Variants in MYO18B observed in about 807,000 individuals in gnomAD.
The protein encoded by MYO18B is myosin XVIIIB.
In MYO18B, 204 loss-of-function variants were observed where a neutral mutation model predicts 273.0. That is an observed-to-expected ratio of 0.75 (90% confidence interval 0.67 to 0.84). MYO18B has a LOEUF of 0.84. MYO18B is among the 40% of genes least tolerant of loss of function. MYO18B has a pLI of 0.00. For missense variants in MYO18B, 3,212 were observed against 3,287.6 expected (o/e 0.98, Z 0.56); for synonymous variants, 1,330 against 1,305.7 (o/e 1.02, Z -0.40).
intron 42 of MYO18B, among the ~76,000 whole-genome samples, chr22:26,016,497 G>C (rs1041210078): frequency 2.6e-5 from 4 of 152,234 alleles, no homozygotes; most frequent in Admixed American, 2.6e-4. Flanking sequence ...TGTACTGGAA[G>C]TGGGTTTTGA....
chr22:25,984,670 G>A (rs186244293), intron 39 of MYO18B, among the ~76,000 whole-genome samples: 64 of 152,156 alleles, frequency 4.2e-4, no homozygotes, highest in African/African-American at 1.3e-3. Context: ...AGTGGTGCAT[G>A]CCTGTAGTCC....
At chr22:25,941,909 C>G (rs568239943) in intron 34 of MYO18B, among the ~76,000 whole-genome samples, 57 of 152,330 alleles carry the variant, frequency 3.7e-4, no homozygotes, top group African/African-American at 1.3e-3. Flanking sequence ...CCTGCTTATC[C>G]TGACTGTGTA....
In MYO18B at chr22:25,768,464, C is replaced by A; in HGVS notation, c.548C>A (p.Pro183His). 1.2e-6 allele frequency: 2 copies of A among 1,605,106 alleles called. No individual in the cohort carries two copies. Residue 183 changes from proline (P) to histidine (H), a missense_variant, in exon 4 of 44, where the codon CCC (proline) becomes CAC (histidine). Transcript: ENST00000335473. The stretch of plus-strand genomic sequence containing the variant: ...GCCCCCCCTTGCAAGACCTCTCCCC[C>A]CGCCACAGATACTGGAAAGGAAAAG... Reference protein sequence around the residue: ...HDAPPCKTSPPATDTGKEKKG... With the variant: ...HDAPPCKTSPHATDTGKEKKG...
intron 1 of MYO18B, among the ~76,000 whole-genome samples, chr22:25,747,871 G>C (rs1435739800): frequency 6.6e-6 from 1 of 152,168 alleles, no homozygotes; most frequent in African/African-American, 2.4e-5. Context: ...GAGAAAAACT[G>C]CATCCCCATT....
At chr22:25,898,070 A>T in intron 28 of MYO18B, 1 of 481,718 alleles carries the variant, frequency 2.1e-6, no homozygotes, top group Non-Finnish European at 3.6e-6. Flanking sequence ...GCAAAAGTAA[A>T]ATCAACCTTA....
Position 25,777,736 on chromosome 22 carries a change from G to A in MYO18B, c.2023G>A (p.Glu675Lys). 6.2e-7 allele frequency: 1 copy of A among 1,609,448 alleles called. No homozygotes were observed. Among genetic ancestry groups the A allele is most frequent in the Non-Finnish European group, 8.5e-7 (1 of 1,177,668 alleles). ...GKTTCCEQVLEHLVGMAGSVD... is the reference protein window; with the variant it reads ...GKTTCCEQVLKHLVGMAGSVD... ...GACCACCTGCTGTGAGCAGGTCCTGGAACACCTGGTGGGGATGGCAGGCAG... is the reference window on the plus strand; with the variant it reads ...GACCACCTGCTGTGAGCAGGTCCTGAAACACCTGGTGGGGATGGCAGGCAG... The change falls in exon 8 of 44, where the codon GAA becomes AAA. Residue 675 changes from glutamate (E) to lysine (K), a missense_variant. Physicochemically the swap from Glu to Lys is moderately conservative, Grantham distance 56. Coordinates refer to ENST00000335473, the MANE Select transcript of MYO18B (RefSeq NM_032608.7).
rs183518427 is a variant in MYO18B at position 25,925,515 on chromosome 22, G to A, written c.5517+4106G>A. Among the ~76,000 whole-genome samples the A allele has an allele frequency of 1.2e-4, 19 of 152,148 alleles. No homozygotes were observed. The East Asian group carries it at 3.3e-3, about 26-fold the overall frequency. On this transcript the variant is annotated intron_variant, in intron 34 of 43. Coordinates refer to ENST00000335473, the MANE Select transcript of MYO18B (RefSeq NM_032608.7). ...ATTCATGACTTTTGACAAGTGTCCC[G>A]ACCTCTCTGAGCCCTTTTTCTAAAG...
intron 42 of MYO18B, among the ~76,000 whole-genome samples, chr22:26,012,123 C>T (rs933898679): frequency 2.6e-5 from 4 of 152,078 alleles, no homozygotes; most frequent in African/African-American, 9.7e-5. Flanking sequence ...TTTAAAAAAA[C>T]AGTTGCGTTA....
chr22:25,927,786 C>G (rs1198160703), intron 34 of MYO18B, among the ~76,000 whole-genome samples: 1 of 152,150 alleles, frequency 6.6e-6, no homozygotes, highest in Non-Finnish European at 1.5e-5. Flanking sequence ...AAATTTCTCT[C>G]TTTTGTACTC....
At chr22:26,042,473 T>G in the MYO18B span, among the ~76,000 whole-genome samples, 1 of 152,252 alleles carries the variant, frequency 6.6e-6, no homozygotes. Context: ...TCTGTCCAGC[T>G]GAGTGGGGAA....
intron 40 of MYO18B, among the ~76,000 whole-genome samples, chr22:25,992,880 G>C (rs973712702): frequency 7.2e-5 from 11 of 152,188 alleles, no homozygotes; most frequent in African/African-American, 2.7e-4. Flanking sequence ...CTACAGACTG[G>C]AAGTTTCATA....
intron 17 of MYO18B, among the ~76,000 whole-genome samples, 181 bp from the exon 18 acceptor site, chr22:25,843,554 A>G (rs1013931923): frequency 2.0e-5 from 3 of 152,334 alleles, no homozygotes; most frequent in Middle Eastern, 3.4e-3. Flanking sequence ...AAAGAATAAA[A>G]TCCACTTTGG....
At chr22:25,839,032 G>A (rs2145972011) in intron 17 of MYO18B, among the ~76,000 whole-genome samples, 1 of 151,930 alleles carries the variant, frequency 6.6e-6, no homozygotes, top group Middle Eastern at 3.4e-3. Context: ...GTGTGTGTAT[G>A]TATGAGTGTA....
the MYO18B span, among the ~76,000 whole-genome samples, chr22:26,051,895 G>A: frequency 6.6e-6 from 1 of 152,160 alleles, no homozygotes; most frequent in Non-Finnish European, 1.5e-5. Context: ...ATATTTTGAG[G>A]ATCTTTCTGT....
chr22:25,908,049 AAG>A (rs1555938359), intron 31 of MYO18B, among the ~76,000 whole-genome samples: 1 of 151,852 alleles, frequency 6.6e-6, no homozygotes, highest in African/African-American at 2.4e-5. Flanking sequence ...AAAAAAAAAA[AAG>A]AGTGTTGAGA....
intron 40 of MYO18B, among the ~76,000 whole-genome samples, chr22:25,998,524 A>G (rs1221755250): frequency 6.6e-6 from 1 of 152,232 alleles, no homozygotes; most frequent in Non-Finnish European, 1.5e-5. Context: ...GACATTTTCC[A>G]ACGTACATCC....
At chr22:25,895,036 G>C (rs2091763229) in intron 27 of MYO18B, 120 bp from the exon 28 acceptor site, 2 of 1,219,462 alleles carry the variant, frequency 1.6e-6, no homozygotes, top group South Asian at 1.6e-5. Flanking sequence ...GAGGCTCAAG[G>C]GCTCTGTGAA....
chr22:25,987,073 T>G (rs1416563790), intron 39 of MYO18B, among the ~76,000 whole-genome samples: 1 of 152,094 alleles, frequency 6.6e-6, no homozygotes, highest in Non-Finnish European at 1.5e-5. Context: ...GTGGCACAGG[T>G]GAAATTAACT....
At chr22:25,779,316 A>C (rs9624898) in intron 8 of MYO18B, among the ~76,000 whole-genome samples, 41,736 of 152,148 alleles carry the variant, frequency 0.27, 6,727 homozygotes, top group Non-Finnish European at 0.35. Context: ...CATGACAGCC[A>C]CATGAGGACT....
Sources: gnomAD v4.1 joint callset for allele counts (sites outside exome capture counted in the v4.1 genomes callset) on GRCh38, gnomAD v4.1.1 for gene constraint, MANE v1.5 for transcripts, NCBI Gene and HGNC (gene_info 2026-07-23, HGNC 2026-07-21) for gene names.